Variants in NUFIP1 observed in about 807,000 individuals in gnomAD.
NUFIP1 encodes FMR1-interacting protein NUFIP1.
Under a neutral mutation model 56.2 loss-of-function variants are expected in NUFIP1, and 38 were observed. The observed-to-expected ratio is 0.68, with a 90% CI of 0.52 to 0.89. The LOEUF (loss-of-function observed/expected upper bound fraction) is 0.89, where lower values mean the gene tolerates loss of function less well. Among genes scored for constraint, NUFIP1 ranks in the 40% least tolerant of loss-of-function variants. The pLI, the probability that NUFIP1 is intolerant of heterozygous loss-of-function variation, is 0.00. For synonymous variants in NUFIP1, 215 were observed against 212.4 expected, an observed-to-expected ratio of 1.01 and a Z score of -0.10; for missense variants, 567 against 605.8, an observed-to-expected ratio of 0.94 and a Z score of 0.67.
chr13:44,989,112 G>A lies in NUFIP1; in HGVS notation c.325C>T (p.Pro109Ser). 1 of 1,614,176 alleles carries A rather than the reference G, an allele frequency of 6.2e-7. No homozygotes were observed. Among genetic ancestry groups the A allele is most frequent in the Non-Finnish European group, 8.5e-7 (1 of 1,180,012 alleles). ...GATGTGGAAGCATGGAAATTCCAAG[G>A]CTGGCCGCTGGGTTGAGGCTGAGAA... ...LDSQPQPSGQ[P>S]WNFHASTSWY... is the part of the protein sequence containing the mutation. Residue 109 changes from proline (P) to serine (S), a missense_variant, in exon 1 of 10, where the codon CCT (proline) becomes TCT (serine). Pro to Ser is a moderately conservative substitution (Grantham distance 74, BLOSUM62 -1). Transcript: ENST00000379161.
chr13:44,941,347 G>A (rs1162991426), intron 9 of NUFIP1, 25 bp from the exon 10 acceptor site: 2 of 1,374,924 alleles, frequency 1.5e-6, no homozygotes, highest in Non-Finnish European at 2.1e-6. Context: ...AAAAAAAGAT[G>A]AGGTAGTAAA....
intron 1 of NUFIP1, among the ~76,000 whole-genome samples, chr13:44,984,405 C>A (rs1872309445): frequency 6.6e-6 from 1 of 152,140 alleles, no homozygotes; most frequent in Middle Eastern, 3.2e-3. Flanking sequence ...CTTTGGGAGG[C>A]CAAGGCAAGC....
At chr13:44,956,009 G>A (rs1345103530) in intron 7 of NUFIP1, among the ~76,000 whole-genome samples, 1 of 151,696 alleles carries the variant, frequency 6.6e-6, no homozygotes, top group African/African-American at 2.4e-5. Context: ...CGGGCGAGGT[G>A]GCGGGCGCCT....
intron 5 of NUFIP1, among the ~76,000 whole-genome samples, chr13:44,977,502 G>T (rs567727374): frequency 6.6e-6 from 1 of 152,264 alleles, no homozygotes; most frequent in Admixed American, 6.5e-5. Context: ...AAGCTCTTTT[G>T]TTACAGACTG....
At position 44,979,880 on chromosome 13, in the gene NUFIP1, CAG is replaced by C. The variant is rs1167217670; in HGVS notation, c.657+8_657+9del. ...TGTATTTAAAAATAGGATAAAAAAA[CAG>C]AACTTACATTTCTCCAATGGAACTG... is the stretch of plus-strand genomic sequence containing the variant. On this transcript the variant is annotated splice_region_variant and intron_variant, in intron 4 of 9. Transcript: ENST00000379161. 2.5e-6 allele frequency: 4 copies of C among 1,579,592 alleles called. No individual in the cohort carries two copies. Among genetic ancestry groups the C allele is most frequent in the Middle Eastern group, 1.7e-4 (1 of 5,904 alleles).
In NUFIP1 at chr13:44,940,426, A is replaced by G. The variant is rs1355105263; in HGVS notation, c.*780T>C. On this transcript the variant is annotated 3_prime_UTR_variant, in exon 10 of 10. Coordinates refer to ENST00000379161, the MANE Select transcript of NUFIP1 (RefSeq NM_012345.3). The stretch of plus-strand genomic sequence containing the variant: ...GTTAATCTTCAACTATAACAAACTA[A>G]TTTTTTACAAATTTAGTCCCTTTTA... The G allele has an allele frequency of 6.6e-6, 1 of 152,234 alleles. No homozygotes were observed. The highest frequency in any genetic ancestry group is 2.4e-5 in the African/African-American group (1 of 41,456). 9.4% of individuals were successfully genotyped at this position (152,234 alleles called of 1,614,324 possible).
chr13:44,975,116 C>G (rs1378446043), intron 5 of NUFIP1, among the ~76,000 whole-genome samples: 2 of 152,172 alleles, frequency 1.3e-5, no homozygotes, highest in East Asian at 3.8e-4. Flanking sequence ...GGTTCCCACT[C>G]AGCAGGCTTG....
At chr13:44,969,919 T>C (rs1441700262) in intron 5 of NUFIP1, among the ~76,000 whole-genome samples, 1 of 152,248 alleles carries the variant, frequency 6.6e-6, no homozygotes, top group African/African-American at 2.4e-5. Flanking sequence ...GCTACACTAT[T>C]GTACTTTTCT....
chr13:44,980,267 C>G (rs1258352604), intron 3 of NUFIP1, among the ~76,000 whole-genome samples: 1 of 152,222 alleles, frequency 6.6e-6, no homozygotes, highest in East Asian at 1.9e-4. Flanking sequence ...AAGAACCTTT[C>G]AAAACCAAAG....
chr13:44,941,802 C>T (rs987670906), intron 9 of NUFIP1, among the ~76,000 whole-genome samples: 57 of 152,224 alleles, frequency 3.7e-4, no homozygotes, highest in African/African-American at 1.3e-3. Flanking sequence ...CGTGAGCCAC[C>T]ATGCCCGGCC....
Position 44,971,793 on chromosome 13 carries a change from A to G in NUFIP1, c.735-5857T>C, listed in dbSNP as rs146582145. Among the ~76,000 whole-genome samples the G allele has an allele frequency of 4.0e-3, 616 of 152,348 alleles. 9 individuals carry two copies. Among genetic ancestry groups the G allele is most frequent in the African/African-American group, 0.013 (558 of 41,578 alleles). ...TTCTTTCTGCCTATTCTGTGGCTTA[A>G]TATTTGCATATGCAAGAACATTCTG... is the stretch of plus-strand genomic sequence containing the variant. On this transcript the variant is annotated intron_variant, in intron 5 of 9. Coordinates refer to ENST00000379161, the MANE Select transcript of NUFIP1 (RefSeq NM_012345.3).
intron 5 of NUFIP1, among the ~76,000 whole-genome samples, chr13:44,969,563 A>G (rs1566061793): frequency 1.3e-5 from 2 of 152,320 alleles, no homozygotes; most frequent in East Asian, 3.9e-4. Flanking sequence ...ATCTACTAAA[A>G]TCATTTTCTC....
intron 7 of NUFIP1, among the ~76,000 whole-genome samples, chr13:44,956,281 C>CAG (rs10700836): frequency 0.95 from 143,985 of 152,172 alleles, 68,192 homozygotes; most frequent in East Asian, 1. Flanking sequence ...CATATGAAAA[C>CAG]GGGGATAGAT....
Position 44,943,560 on chromosome 13 carries a change from G to A in NUFIP1, c.1253C>T (p.Ala418Val). ...GCTTTTCTTTCGGTTCTCACTCTTGGCTTCTGAAAAATTTCTAACAGTTGC... is the reference window on the plus strand; with the variant it reads ...GCTTTTCTTTCGGTTCTCACTCTTGACTTCTGAAAAATTTCTAACAGTTGC... Reference protein sequence around the residue: ...VKATVRNFSEAKSENRKKSFE... With the variant: ...VKATVRNFSEVKSENRKKSFE... Residue 418 changes from alanine (A) to valine (V), a missense_variant, in exon 9 of 10, where the codon GCC becomes GTC. Physicochemically the swap from Ala to Val is moderately conservative, Grantham distance 64 (BLOSUM62 0). Coordinates refer to ENST00000379161, the MANE Select transcript of NUFIP1 (RefSeq NM_012345.3). The A allele has an allele frequency of 1.2e-6, 2 of 1,614,002 alleles. No homozygotes were observed. The highest frequency in any genetic ancestry group is 1.7e-6 in the Non-Finnish European group (2 of 1,179,958).
At chr13:44,972,064 C>G (rs139217968) in intron 5 of NUFIP1, among the ~76,000 whole-genome samples, 3 of 152,300 alleles carry the variant, frequency 2.0e-5, no homozygotes, top group Non-Finnish European at 4.4e-5. Flanking sequence ...CTCAAATAGG[C>G]TTATCTTGAT....
At chr13:44,980,569 C>T (rs1032306147) in intron 3 of NUFIP1, among the ~76,000 whole-genome samples, 153 bp downstream of exon 3, 6 of 152,210 alleles carry the variant, frequency 3.9e-5, no homozygotes, top group African/African-American at 9.6e-5. Flanking sequence ...CTTTCAAACC[C>T]CAGGGTCACT....
chr13:44,953,954 A>G (rs554264995), intron 7 of NUFIP1, among the ~76,000 whole-genome samples: 291 of 152,276 alleles, frequency 1.9e-3, no homozygotes, highest in African/African-American at 6.8e-3. Context: ...TAACACTTTG[A>G]AAAATACTGT....
intron 1 of NUFIP1, 109 bp downstream of exon 1, chr13:44,988,916 T>TC: frequency 2.7e-6 from 3 of 1,123,074 alleles, no homozygotes; most frequent in Non-Finnish European, 3.8e-6. Context: ...ATGACCAGAC[T>TC]CCAAGAGTGC....
At chr13:44,956,141 C>CAAAAAA (rs371458350) in intron 7 of NUFIP1, among the ~76,000 whole-genome samples, 1 of 61,472 alleles carries the variant, frequency 1.6e-5, no homozygotes. Context: ...GACTCCGTCT[C>CAAAAAA]AAAAAAAAAA....
Sources: gnomAD v4.1 joint callset for allele counts (sites outside exome capture counted in the v4.1 genomes callset) on GRCh38, gnomAD v4.1.1 for gene constraint, MANE v1.5 for transcripts, NCBI Gene and HGNC (gene_info 2026-07-23, HGNC 2026-07-21) for gene names.